The following PLXNA4 variants were observed in gnomAD, a reference collection of about 807,000 sequenced individuals.
PLXNA4 encodes plexin-A4.
Under a neutral mutation model 191.8 loss-of-function variants are expected in PLXNA4, and 44 were observed. That is an observed-to-expected ratio of 0.23 (90% CI 0.18 to 0.29). The LOEUF (loss-of-function observed/expected upper bound fraction) is 0.29, where lower values mean the gene tolerates loss of function less well. PLXNA4 is among the 10% of genes least tolerant of loss of function. The pLI, the probability that PLXNA4 is intolerant of heterozygous loss-of-function variation, is 1.00. For synonymous variants in PLXNA4, 1,082 were observed against 1,009.5 expected, an observed-to-expected ratio of 1.07 and a Z score of -1.36; for missense variants, 1,800 against 2,488.8, an observed-to-expected ratio of 0.72 and a Z score of 5.89.
intron 2 of PLXNA4, among the ~76,000 whole-genome samples, chr7:132,626,722 A>G (rs1235949619): frequency 6.6e-6 from 1 of 152,082 alleles, no homozygotes; most frequent in Non-Finnish European, 1.5e-5. Context: ...AGTTCCAGGT[A>G]TTTCCTTATA....
intron 9 of PLXNA4, among the ~76,000 whole-genome samples, chr7:132,219,223 G>T (rs547272826): frequency 7.6e-4 from 115 of 152,294 alleles, no homozygotes; most frequent in African/African-American, 2.6e-3. Context: ...CAAGAGAGTG[G>T]GCCTTGGGCT....
At chr7:132,562,029 T>TTC (rs1801161685) in intron 1 of PLXNA4, among the ~76,000 whole-genome samples, 2 of 88,102 alleles carry the variant, frequency 2.3e-5, no homozygotes, top group Non-Finnish European at 5.5e-5. Flanking sequence ...CTCCTCCTCC[T>TTC]TCTCCTCCTC....
intron 1 of PLXNA4, among the ~76,000 whole-genome samples, chr7:132,533,530 G>T (rs1799708487): frequency 6.6e-6 from 1 of 152,220 alleles, no homozygotes; most frequent in Non-Finnish European, 1.5e-5. Context: ...GGACTCCCCT[G>T]TGCTTACTTA....
At chr7:132,303,691 C>T (rs777744672) in intron 3 of PLXNA4, among the ~76,000 whole-genome samples, 21 of 152,214 alleles carry the variant, frequency 1.4e-4, no homozygotes, top group Non-Finnish European at 2.4e-4. Context: ...TGTCCCTTGA[C>T]GGAGCGACAC....
chr7:132,187,880 C>T (rs1157348011), intron 14 of PLXNA4, among the ~76,000 whole-genome samples: 1 of 152,056 alleles, frequency 6.6e-6, no homozygotes, highest in African/African-American at 2.4e-5. Flanking sequence ...CATAATTATA[C>T]ATGTATGTGT....
chr7:132,198,184 G>A (rs1797311481), intron 13 of PLXNA4, among the ~76,000 whole-genome samples: 1 of 152,148 alleles, frequency 6.6e-6, no homozygotes, highest in African/African-American at 2.4e-5. Flanking sequence ...CACTTCTCTT[G>A]CAGATTTTCA....
chr7:132,544,675 TC>T (rs980715856), intron 1 of PLXNA4, among the ~76,000 whole-genome samples: 1 of 152,102 alleles, frequency 6.6e-6, no homozygotes, highest in Non-Finnish European at 1.5e-5. Flanking sequence ...TTAGGTAGGG[TC>T]CGAATGGAGT....
intron 2 of PLXNA4, among the ~76,000 whole-genome samples, chr7:132,603,689 AG>A (rs1424732195): frequency 6.6e-6 from 1 of 152,232 alleles, no homozygotes; most frequent in Non-Finnish European, 1.5e-5. Flanking sequence ...GCAAAAGGGC[AG>A]GGCCAACCTT....
In PLXNA4 at chr7:132,126,142, G is replaced by A. The variant is rs1176969100; in HGVS notation, c.*4337C>T. 1.3e-5 allele frequency: 2 copies of A among 152,418 alleles called. No individual in the cohort carries two copies. The highest frequency in any genetic ancestry group is 4.8e-5 in the African/African-American group (2 of 41,450). 9.4% of individuals were successfully genotyped at this position (152,418 alleles called of 1,614,324 possible). A position where few individuals can be genotyped will look rare whatever the true frequency, so the allele number is the denominator to read the frequency against. ...TTTTCTTTTTAGGTCACAGAGGGTGGTGCTGAGACCTGGGCCCATCACAGC... is the reference window on the plus strand; with the variant it reads ...TTTTCTTTTTAGGTCACAGAGGGTGATGCTGAGACCTGGGCCCATCACAGC... On this transcript the variant is annotated 3_prime_UTR_variant, in exon 32 of 32. Coordinates refer to ENST00000321063, the MANE Select transcript of PLXNA4 (RefSeq NM_020911.2).
intron 4 of PLXNA4, among the ~76,000 whole-genome samples, chr7:132,288,509 T>C (rs1216066857): frequency 1.3e-5 from 2 of 152,188 alleles, no homozygotes; most frequent in African/African-American, 4.8e-5. Flanking sequence ...TTTCTGTTTT[T>C]GTGAATGTCT....
At chr7:132,264,498 C>T (rs1240873249) in intron 4 of PLXNA4, among the ~76,000 whole-genome samples, 1 of 152,020 alleles carries the variant, frequency 6.6e-6, no homozygotes, top group Non-Finnish European at 1.5e-5. Context: ...CCCTGGTTTG[C>T]AGAGACACTT....
chr7:132,388,540 A>G (rs975422627), intron 3 of PLXNA4, among the ~76,000 whole-genome samples: 1 of 152,196 alleles, frequency 6.6e-6, no homozygotes, highest in Non-Finnish European at 1.5e-5. Context: ...TGGTTCAGAA[A>G]AAAAAAGGTC....
intron 1 of PLXNA4, among the ~76,000 whole-genome samples, chr7:132,509,591 A>G (rs1163918367): frequency 6.6e-6 from 1 of 152,122 alleles, no homozygotes; most frequent in Non-Finnish European, 1.5e-5. Context: ...GAGTAGTGTA[A>G]ATGTGCACAG....
intron 27 of PLXNA4, among the ~76,000 whole-genome samples, chr7:132,147,364 T>C (rs891953453): frequency 6.6e-6 from 1 of 152,146 alleles, no homozygotes; most frequent in African/African-American, 2.4e-5. Context: ...AATAAATAAA[T>C]AACCAAGGCT....
chr7:132,508,239 G>A lies in PLXNA4; in HGVS notation c.455C>T (p.Pro152Leu). ...RLEDLFKLGE[P>L]YHKKEHYLSG... The stretch of plus-strand genomic sequence containing the variant: ...CAGATAGTGCTCCTTCTTATGATAA[G>A]GCTCCCCCAGCTTGAAGAGGTCCTC... Residue 152 changes from proline (P) to leucine (L), a missense_variant, in exon 2 of 32, where the codon CCT becomes CTT. Physicochemically the swap from Pro to Leu is moderately conservative, Grantham distance 98. Transcript: ENST00000321063. This position sits in a 1 kb window ranked among gnomAD's most constrained non-coding sequence, Gnocchi z 4.4. 1 of 1,614,208 alleles carries A rather than the reference G, an allele frequency of 6.2e-7. No homozygotes were observed. Among genetic ancestry groups the A allele is most frequent in the Non-Finnish European group, 8.5e-7 (1 of 1,180,044 alleles).
At chr7:132,484,897 G>C (rs749358980) in intron 3 of PLXNA4, 2 of 1,614,198 alleles carry the variant, frequency 1.2e-6, no homozygotes, top group East Asian at 2.2e-5. Flanking sequence ...TGTGACTTGA[G>C]CACTGAAGAT....
At chr7:132,501,926 G>C (rs978212663) in intron 2 of PLXNA4, among the ~76,000 whole-genome samples, 2 of 152,244 alleles carry the variant, frequency 1.3e-5, no homozygotes, top group Non-Finnish European at 2.9e-5. Context: ...AGATGAGAGA[G>C]GAAGGATGGT....
At chr7:132,143,095 C>T (rs998512404) in intron 29 of PLXNA4, among the ~76,000 whole-genome samples, 24 of 150,448 alleles carry the variant, frequency 1.6e-4, no homozygotes, top group Non-Finnish European at 3.4e-4. Flanking sequence ...AGGTAGGGAA[C>T]TGTGGAAGAA....
chr7:132,489,592 C>T (rs986155873), intron 2 of PLXNA4, 118 bp from the exon 3 acceptor site: 3 of 947,852 alleles, frequency 3.2e-6, no homozygotes, highest in Non-Finnish European at 4.5e-6. Flanking sequence ...TGGTAACAAT[C>T]CCTCTTTTTT....
Sources: gnomAD v4.1 joint callset for allele counts (sites outside exome capture counted in the v4.1 genomes callset) on GRCh38, gnomAD v4.1.1 for gene constraint, Gnocchi (gnomAD v3.1) non-coding constraint, MANE v1.5 for transcripts, NCBI Gene and HGNC (gene_info 2026-07-23, HGNC 2026-07-21) for gene names.